Variants in FADS6 observed in about 807,000 individuals in gnomAD.
FADS6 encodes the protein fatty acid desaturase 6, also known as fatty acid desaturase domain family, member 6.
Under a neutral mutation model 31.7 loss-of-function variants are expected in FADS6, and 28 were observed. The observed-to-expected ratio is 0.88, with a 90% CI of 0.66 to 1.21. FADS6 has a LOEUF of 1.21. Among genes scored for constraint, FADS6 ranks in the 50% most tolerant of loss-of-function variants. FADS6 has a pLI of 0.00. For missense variants in FADS6, 494 were observed against 504.2 expected, an observed-to-expected ratio of 0.98 and a Z score of 0.19; for synonymous variants, 191 against 213.1, an observed-to-expected ratio of 0.90 and a Z score of 0.90.
In FADS6 at chr17:74,889,113, C is replaced by G. The variant is rs553838780; in HGVS notation, c.411+3410G>C. On this transcript the variant is annotated intron_variant, in intron 2 of 5. Coordinates refer to ENST00000612771, the MANE Select transcript of FADS6 (RefSeq NM_178128.6). ...CAACAGCCTGGAGTGGAAGCCTCCC[C>G]CTCCAACCTGTTTGCCCCTCCCCCA... Among the ~76,000 whole-genome samples the G allele has an allele frequency of 1.7e-4, 26 of 152,266 alleles. 1 individual carries two copies. In the South Asian group the frequency reaches 4.8e-3, roughly 28 times the overall value.
chr17:74,892,529 A>G lies in FADS6; in HGVS notation c.405T>C (p.Phe135=). 6.2e-7 allele frequency: 1 copy of G among 1,612,372 alleles called. No homozygotes were observed. The change falls in exon 2 of 6, where the codon TTT becomes TTC. Residue 135 remains phenylalanine, a synonymous_variant. Coordinates refer to ENST00000612771, the MANE Select transcript of FADS6 (RefSeq NM_178128.6). The stretch of plus-strand genomic sequence containing the variant: ...CTCCTTCTCCCAGGCTCACCTCCAC[A>G]AAGAAAAGCAGCCAGATCTTGCTCC... ...KRWSKIWLLF[F]VEVCTAFTAE...
At chr17:74,876,705 G>A (rs2038510383), downstream of FADS6, among the ~76,000 whole-genome samples, 1 of 152,182 alleles carries the variant, frequency 6.6e-6, no homozygotes, top group African/African-American at 2.4e-5. Context: ...GCTGAAGCAG[G>A]AGAATCGCTT....
chr17:74,878,149 A>G lies in FADS6; in HGVS notation c.*182T>C. Reference sequence around the variant, plus strand: ...CCCAGACACCCCTCAAAACCCAGAAAAGCACGCAAGGCAGGTGGCCCCCAG... The same window carrying G: ...CCCAGACACCCCTCAAAACCCAGAAGAGCACGCAAGGCAGGTGGCCCCCAG... On this transcript the variant is annotated 3_prime_UTR_variant, in exon 6 of 6. Coordinates refer to ENST00000612771, the MANE Select transcript of FADS6 (RefSeq NM_178128.6). The G allele has an allele frequency of 7.0e-7, 1 of 1,421,248 alleles. No homozygotes were observed. The highest frequency in any genetic ancestry group is 9.2e-7 in the Non-Finnish European group (1 of 1,092,686). The allele number at this position is 1,421,248 out of a possible 1,614,324, so 88.0% of individuals were successfully genotyped here.
chr17:74,879,199 G>C lies in FADS6; in HGVS notation c.960+205C>G, dbSNP rs770632766. On this transcript the variant is annotated intron_variant, in intron 5 of 5. Coordinates refer to ENST00000612771, the MANE Select transcript of FADS6 (RefSeq NM_178128.6). ...CCACAAGCATGTGCCACCACACCCC[G>C]CTAATTTTTGAATTTTTTGTAGAGA... The C allele has an allele frequency of 1.3e-5, 8 of 600,228 alleles. No homozygotes were observed. In the East Asian group the frequency reaches 2.6e-4, roughly 19 times the overall value. 37.2% of individuals were successfully genotyped at this position (600,228 alleles called of 1,614,324 possible). A position where few individuals can be genotyped will look rare whatever the true frequency, so the allele number is the denominator to read the frequency against.
rs2038718130 is a variant in FADS6, at chr17:74,893,514, TA to T, written c.81del (p.Thr28ArgfsTer29). 1 of 1,559,878 alleles carries T rather than the reference TA, an allele frequency of 6.4e-7. No homozygotes were observed. The highest frequency in any genetic ancestry group is 8.7e-7 in the Non-Finnish European group (1 of 1,155,450). On this transcript the variant is annotated frameshift_variant, in exon 1 of 6. Transcript: ENST00000612771. LOFTEE classifies it high-confidence loss of function. Reference protein sequence around the residue: ...EPMEPTEPMEPTEPMEPARSA... With the variant: ...EPMEPTEPMEXTEPMEPARSA... ...CTCCGCGCCGGTTCCATGGGCTCCG[TA>T]GGTTCCATGGGCTCCGTAGGTTCCA...
At chr17:74,884,556 G>A (rs559282059) in intron 2 of FADS6, among the ~76,000 whole-genome samples, 81 of 152,278 alleles carry the variant, frequency 5.3e-4, no homozygotes, top group South Asian at 1.7e-3. Context: ...AAGCTTGGTA[G>A]GGAGGCCTCA....
At chr17:74,879,651 C>T in intron 4 of FADS6, 68 bp from the exon 5 acceptor site, 3 of 1,500,940 alleles carry the variant, frequency 2.0e-6, no homozygotes, top group South Asian at 1.3e-5. Flanking sequence ...TGTCCTGGGA[C>T]CTCATGCTAC....
rs369319580 is a variant in FADS6, at chr17:74,882,684, G to A, written c.438C>T (p.His146=). 82 of 1,610,574 alleles carry A rather than the reference G, an allele frequency of 5.1e-5. 1 individual carries two copies. Among genetic ancestry groups the A allele is most frequent in the African/African-American group, 4.8e-4 (36 of 75,014 alleles). ...VEVCTAFTAE[H]ATHGHVKMHH... is the part of the protein sequence containing the mutation. ...GCATCTTGACGTGCCCATGCGTGGC[G>A]TGCTCTGCAGTGAAGGCTGTGCACA... The change falls in exon 3 of 6, where the codon CAC becomes CAT. Residue 146 remains histidine (H), a synonymous_variant. Transcript: ENST00000612771.
rs80028623 is a variant in FADS6 at position 74,892,006 on chromosome 17, G to A, written c.411+517C>T. Among the ~76,000 whole-genome samples, 260 of 152,290 alleles carry A rather than the reference G, an allele frequency of 1.7e-3. 3 individuals are homozygous for A. The highest frequency in any genetic ancestry group is 4.5e-3 in the East Asian group (23 of 5,160). On this transcript the variant is annotated intron_variant, in intron 2 of 5. Transcript: ENST00000612771. ...AACTTTTGCCTTCCTGGGCGTGCCC[G>A]AAGGTAAGAAGGCCAAGGTCGAACT...
Position 74,882,511 on chromosome 17 carries a change from G to A in FADS6, c.592+19C>T, listed in dbSNP as rs368990242. On this transcript the variant is annotated intron_variant, in intron 3 of 5. Coordinates refer to ENST00000612771, the MANE Select transcript of FADS6 (RefSeq NM_178128.6). ...AGGTCCATGCAGGACACTGCGGACCGGGCTCTCATGGCACTCACCGACAGC... is the reference window on the plus strand; with the variant it reads ...AGGTCCATGCAGGACACTGCGGACCAGGCTCTCATGGCACTCACCGACAGC... The A allele has an allele frequency of 2.5e-5, 40 of 1,598,734 alleles. No individual in the cohort carries two copies. The highest frequency in any genetic ancestry group is 1.5e-4 in the Admixed American group (9 of 58,870).
intron 2 of FADS6, among the ~76,000 whole-genome samples, chr17:74,883,775 C>T (rs1185357924): frequency 2.0e-5 from 3 of 152,194 alleles, no homozygotes; most frequent in Admixed American, 6.5e-5. Flanking sequence ...CTCCTGGGTT[C>T]TCCTGCCCCA....
intron 2 of FADS6, among the ~76,000 whole-genome samples, chr17:74,884,092 A>G (rs1317123547): frequency 2.0e-5 from 3 of 152,208 alleles, no homozygotes; most frequent in African/African-American, 7.2e-5. Context: ...AGAGAATGCC[A>G]TCAGCCCCAT....
At chr17:74,888,045 C>T (rs886766990) in intron 2 of FADS6, among the ~76,000 whole-genome samples, 1 of 151,864 alleles carries the variant, frequency 6.6e-6, no homozygotes, top group Non-Finnish European at 1.5e-5. Context: ...GACTCTGAGT[C>T]CCTGGGGAAG....
At position 74,877,674 on chromosome 17, in the gene FADS6, T is replaced by C; in HGVS notation, c.*657A>G. ...TCCCTAACTCTGTCCCTGGGGAACC[T>C]TCTCCCCTCACTTCCCCTGGAGTTC... On this transcript the variant is annotated 3_prime_UTR_variant, in exon 6 of 6. Coordinates refer to ENST00000612771, the MANE Select transcript of FADS6 (RefSeq NM_178128.6). 1.0e-6 allele frequency: 1 copy of C among 983,108 alleles called. No homozygotes were observed. Among genetic ancestry groups the C allele is most frequent in the South Asian group, 4.7e-5 (1 of 21,260 alleles). 60.9% of individuals were successfully genotyped at this position (983,108 alleles called of 1,614,324 possible).
chr17:74,876,250 C>A (rs371686635), downstream of FADS6, among the ~76,000 whole-genome samples: 1 of 152,178 alleles, frequency 6.6e-6, no homozygotes, highest in East Asian at 1.9e-4. Flanking sequence ...TCCCATTTGC[C>A]GGCAGTTTGT....
intron 4 of FADS6, among the ~76,000 whole-genome samples, chr17:74,880,374 A>T (rs2038555008): frequency 6.6e-6 from 1 of 151,424 alleles, no homozygotes; most frequent in East Asian, 1.9e-4. Flanking sequence ...CTTTTTTTTT[A>T]GCTGGAGTCT....
chr17:74,888,150 A>ACGCGCGCG (rs1427018515), intron 2 of FADS6, among the ~76,000 whole-genome samples: 1 of 123,646 alleles, frequency 8.1e-6, no homozygotes, highest in African/African-American at 3.8e-5. Flanking sequence ...ACACACACAC[A>ACGCGCGCG]CACACGCGCG....
At chr17:74,888,811 C>T (rs1333255766) in intron 2 of FADS6, among the ~76,000 whole-genome samples, 1 of 152,288 alleles carries the variant, frequency 6.6e-6, no homozygotes, top group African/African-American at 2.4e-5. Context: ...TCCCAAGCTT[C>T]GGGGCTTAAA....
At chr17:74,879,712 G>A in intron 4 of FADS6, 129 bp from the exon 5 acceptor site, 1 of 971,892 alleles carries the variant, frequency 1.0e-6, no homozygotes, top group Non-Finnish European at 1.5e-6. Flanking sequence ...CCTGGTAGAG[G>A]GGCTCCTGGC....
Sources: gnomAD v4.1 joint callset for allele counts (sites outside exome capture counted in the v4.1 genomes callset) on GRCh38, gnomAD v4.1.1 for gene constraint, MANE v1.5 for transcripts, NCBI Gene and HGNC (gene_info 2026-07-23, HGNC 2026-07-21) for gene names.